POLA1: variants seen among roughly 807,000 people sequenced by gnomAD.
POLA1 encodes the protein DNA polymerase alpha 1, catalytic subunit, also known as DNA polymerase alpha catalytic subunit.
POLA1 carries 15 observed loss-of-function variants against 124.0 expected under a neutral mutation model. That is an observed-to-expected ratio of 0.12 (90% CI 0.08 to 0.19). POLA1 has a LOEUF of 0.19. Ranked by LOEUF, POLA1 falls within the 10% of genes least tolerant of loss-of-function variation. POLA1 has a pLI of 1.00. For missense variants in POLA1, 886 were observed against 1,103.4 expected (o/e 0.80, Z 2.79); for synonymous variants, 408 against 389.4 (o/e 1.05, Z -0.56).
intron 26 of POLA1, among the ~76,000 whole-genome samples, chrX:24,756,607 A>T (rs767320461): frequency 1.2e-4 from 13 of 110,702 alleles, no homozygotes; most frequent in Non-Finnish European, 1.7e-4. Context: ...AGATTGTCAT[A>T]TGAGAACTTC....
At chrX:24,759,871 C>T (rs1932769040) in intron 26 of POLA1, among the ~76,000 whole-genome samples, 1 of 111,900 alleles carries the variant, frequency 8.9e-6, no homozygotes. Context: ...ACTTTGTTAA[C>T]CCAAATTCAT....
At chrX:24,928,826 T>G (rs1333517400) in intron 35 of POLA1, among the ~76,000 whole-genome samples, 1 of 111,651 alleles carries the variant, frequency 9.0e-6, no homozygotes, top group Admixed American at 9.5e-5. Context: ...TGTATAATAG[T>G]ATAATGATGA....
chrX:24,703,473 A>T, intron 3 of POLA1, 126 bp downstream of exon 3: 1 of 459,479 alleles, frequency 2.2e-6, no homozygotes, highest in East Asian at 3.8e-5. Context: ...CACTGTTAGG[A>T]TCTTACCTTT....
chrX:24,695,341 A>T (rs1023467266), intron 1 of POLA1, among the ~76,000 whole-genome samples: 4 of 111,043 alleles, frequency 3.6e-5, no homozygotes, highest in African/African-American at 1.3e-4. Context: ...GAAGCATTGG[A>T]GACATACTCC....
intron 19 of POLA1, among the ~76,000 whole-genome samples, chrX:24,738,476 A>AT (rs1251226905): frequency 1.8e-5 from 2 of 111,315 alleles, no homozygotes; most frequent in Non-Finnish European, 3.8e-5. Context: ...ATATCTTGTA[A>AT]TAAAAAAAAA....
chrX:24,995,739 G>A (rs1293726883), intron 36 of POLA1, 66 bp from the exon 37 acceptor site: 3 of 974,366 alleles, frequency 3.1e-6, no homozygotes, highest in Non-Finnish European at 4.3e-6. Context: ...CCCTTCTCTG[G>A]TGGAATACTG....
chrX:24,737,786 T>G (rs746200181), intron 19 of POLA1, 45 bp downstream of exon 19: 2 of 627,792 alleles, frequency 3.2e-6, no homozygotes, highest in Non-Finnish European at 5.1e-6. Context: ...TATTTTAATT[T>G]GGGATAGCTA....
Position 24,717,655 on chromosome X carries a change from T to C in POLA1, c.984T>C (p.Val328=), listed in dbSNP as rs760271422. ...EGDSSFSVQE[V]QVDSSHLPLV... is the part of the protein sequence containing the mutation. ...ATAGCAGTTTCTCAGTGCAAGAAGT[T>C]CAAGTGGATTCCAGTCACCTCCCAT... The change falls in exon 10 of 37, where the codon GTT becomes GTC. Residue 328 remains valine (V), a synonymous_variant. Coordinates refer to ENST00000379068, the MANE Select transcript of POLA1 (RefSeq NM_001330360.2). The C allele has an allele frequency of 1.3e-5, 16 of 1,202,562 alleles. No individual in the cohort carries two copies. The highest frequency in any genetic ancestry group is 1.8e-5 in the Non-Finnish European group (16 of 888,714).
intron 4 of POLA1, among the ~76,000 whole-genome samples, chrX:24,713,565 G>A (rs1277528850): frequency 2.7e-5 from 3 of 110,914 alleles, no homozygotes; most frequent in Non-Finnish European, 5.7e-5. Context: ...ACAGGCATGT[G>A]GCAACCACGC....
intron 18 of POLA1, among the ~76,000 whole-genome samples, chrX:24,736,245 T>C (rs1288151120): frequency 2.7e-5 from 3 of 112,102 alleles, no homozygotes; most frequent in Non-Finnish European, 5.6e-5. Flanking sequence ...CATTCATTTT[T>C]ACTCTTGGAT....
chrX:24,875,339 A>G, intron 34 of POLA1, among the ~76,000 whole-genome samples: 1 of 112,042 alleles, frequency 8.9e-6, no homozygotes, highest in Middle Eastern at 4.6e-3. Flanking sequence ...ATCAAAAAGT[A>G]CCAAAGGCTT....
chrX:24,857,042 G>T (rs747196957), intron 34 of POLA1, among the ~76,000 whole-genome samples: 15 of 111,153 alleles, frequency 1.3e-4, no homozygotes, highest in Non-Finnish European at 2.8e-4. Flanking sequence ...TTGTGCTTTT[G>T]ATCTCATGAC....
intron 26 of POLA1, among the ~76,000 whole-genome samples, chrX:24,781,516 G>A (rs2077455222): frequency 8.9e-6 from 1 of 111,804 alleles, no homozygotes; most frequent in Non-Finnish European, 1.9e-5. Context: ...GATCTCATAT[G>A]GAATAACCCC....
chrX:24,723,686 T>G (rs1385477171), intron 11 of POLA1, among the ~76,000 whole-genome samples: 1 of 112,501 alleles, frequency 8.9e-6, no homozygotes, highest in Non-Finnish European at 1.9e-5. Flanking sequence ...TTGCTTCTTT[T>G]TTTTTCTTTA....
intron 34 of POLA1, among the ~76,000 whole-genome samples, chrX:24,856,440 C>T: frequency 8.9e-6 from 1 of 111,960 alleles, no homozygotes; most frequent in African/African-American, 3.2e-5. Context: ...ATTATGAGTT[C>T]AGGTGCTATA....
chrX:24,771,145 C>G (rs1263237825), intron 26 of POLA1, among the ~76,000 whole-genome samples: 1 of 111,194 alleles, frequency 9.0e-6, no homozygotes, highest in Non-Finnish European at 1.9e-5. Flanking sequence ...AAGAATAATA[C>G]AATTATGAAA....
At chrX:24,991,477 C>G (rs897128162) in intron 36 of POLA1, among the ~76,000 whole-genome samples, 6 of 112,633 alleles carry the variant, frequency 5.3e-5, no homozygotes, top group South Asian at 3.7e-4. Context: ...TCTGTCTCCT[C>G]CCTTCTCGCA....
At chrX:24,962,777 A>G (rs2048182817) in intron 36 of POLA1, among the ~76,000 whole-genome samples, 1 of 111,842 alleles carries the variant, frequency 8.9e-6, no homozygotes, top group African/African-American at 3.3e-5. Flanking sequence ...CTTGTTACTA[A>G]TGTGGGCTGG....
At chrX:24,731,334 GT>G (rs775690148) in intron 15 of POLA1, among the ~76,000 whole-genome samples, 1 of 111,951 alleles carries the variant, frequency 8.9e-6, no homozygotes, top group African/African-American at 3.2e-5. Flanking sequence ...ATGGGATAGG[GT>G]TGTACCTGTA....
Sources: gnomAD v4.1 joint callset for allele counts (sites outside exome capture counted in the v4.1 genomes callset) on GRCh38, gnomAD v4.1.1 for gene constraint, MANE v1.5 for transcripts, NCBI Gene and HGNC (gene_info 2026-07-23, HGNC 2026-07-21) for gene names.